The following SLC49A4 variants were observed in gnomAD, a reference collection of about 807,000 sequenced individuals.
The protein encoded by SLC49A4 is solute carrier family 49 member 4, also known as disrupted in renal cancer protein 2.
In SLC49A4, 36 loss-of-function variants were observed where a neutral mutation model predicts 50.6. That is an observed-to-expected ratio of 0.71 (90% CI 0.55 to 0.94). The LOEUF is 0.94. Ranked by LOEUF, SLC49A4 falls within the 40% of genes least tolerant of loss-of-function variation. The pLI is 0.00. For synonymous variants in SLC49A4, 248 were observed against 241.2 expected (o/e 1.03, Z -0.26); for missense variants, 503 against 605.7 (o/e 0.83, Z 1.78).
At chr3:122,800,675 TTAGA>T (rs1936117116) in intron 1 of SLC49A4, among the ~76,000 whole-genome samples, 3 of 152,270 alleles carry the variant, frequency 2.0e-5, no homozygotes, top group African/African-American at 4.8e-5. Context: ...CAAGTTGGCC[TTAGA>T]TAGAAGCATT....
At chr3:122,820,182 T>C (rs1022440747) in intron 2 of SLC49A4, among the ~76,000 whole-genome samples, 1 of 152,202 alleles carries the variant, frequency 6.6e-6, no homozygotes, top group African/African-American at 2.4e-5. Flanking sequence ...ATCAGTAATT[T>C]TTTTTATTAT....
At chr3:122,860,235 A>G (rs1320784135) in intron 7 of SLC49A4, 33 bp downstream of exon 7, 5 of 1,547,448 alleles carry the variant, frequency 3.2e-6, no homozygotes, top group Non-Finnish European at 4.4e-6. Flanking sequence ...CTTTTAATAA[A>G]TATTTTCATT....
At position 122,822,494 on chromosome 3, in the gene SLC49A4, T is replaced by C. The variant is rs182407297; in HGVS notation, c.438-4306T>C. On this transcript the variant is annotated intron_variant, in intron 2 of 8. Transcript: ENST00000261038. ...ATCTAGATTTCGATTTCCTCATGAG[T>C]CTGACTTCCATGCTGAACACTCCAC... 2.6e-4 allele frequency among the ~76,000 whole-genome samples: 39 copies of C among 152,320 alleles called. No individual in the cohort carries two copies. In the East Asian group the frequency reaches 4.0e-3, roughly 16 times the overall value.
intron 7 of SLC49A4, 141 bp from the exon 8 acceptor site, chr3:122,872,274 T>A: frequency 1.4e-6 from 1 of 702,290 alleles, no homozygotes. Context: ...AGATGTGTGA[T>A]GCTTTGTCAA....
intron 4 of SLC49A4, 65 bp downstream of exon 4, chr3:122,833,511 A>G (rs1936636248): frequency 4.1e-6 from 6 of 1,454,288 alleles, no homozygotes; most frequent in Middle Eastern, 1.8e-4. Flanking sequence ...CAGATTTTTA[A>G]AAAATAATTT....
At chr3:122,873,135 G>A (rs1174881164) in intron 8 of SLC49A4, among the ~76,000 whole-genome samples, 1 of 152,006 alleles carries the variant, frequency 6.6e-6, no homozygotes, top group African/African-American at 2.4e-5. Flanking sequence ...GGTTATAACT[G>A]AAATAATAAC....
intron 8 of SLC49A4, among the ~76,000 whole-genome samples, chr3:122,873,619 T>C (rs2107584761): frequency 6.6e-6 from 1 of 152,336 alleles, no homozygotes. Context: ...TTAGATTGTT[T>C]CTGTCAATCA....
intron 2 of SLC49A4, among the ~76,000 whole-genome samples, chr3:122,813,904 G>A (rs973741413): frequency 1.3e-5 from 2 of 152,164 alleles, no homozygotes; most frequent in African/African-American, 4.8e-5. Flanking sequence ...TATTCCTGAT[G>A]GATTGGAGAG....
At position 122,880,150 on chromosome 3, in the gene SLC49A4, T is replaced by C. The variant is rs1285097076; in HGVS notation, c.*772T>C. ...GTAATTCCATTAGGATCTAGCACTT[T>C]GTTACAAGTGAAATGACAAGTCACA... On this transcript the variant is annotated 3_prime_UTR_variant, in exon 9 of 9. Coordinates refer to ENST00000261038, the MANE Select transcript of SLC49A4 (RefSeq NM_032839.3). 1 of 152,240 alleles carries C rather than the reference T, an allele frequency of 6.6e-6. No individual in the cohort carries two copies. The highest frequency in any genetic ancestry group is 2.4e-5 in the African/African-American group (1 of 41,468). The allele number at this position is 152,240 out of a possible 1,614,324, so 9.4% of individuals were successfully genotyped here.
chr3:122,851,710 G>A (rs997356714), intron 5 of SLC49A4, among the ~76,000 whole-genome samples: 1 of 151,992 alleles, frequency 6.6e-6, no homozygotes, highest in African/African-American at 2.4e-5. Flanking sequence ...TTTCTAGTCA[G>A]TGTCTCTTCA....
intron 2 of SLC49A4, among the ~76,000 whole-genome samples, chr3:122,824,222 T>A (rs545193116): frequency 6.6e-6 from 1 of 152,370 alleles, no homozygotes; most frequent in African/African-American, 2.4e-5. Flanking sequence ...AGATGGTTTT[T>A]AACTCTAACT....
intron 4 of SLC49A4, among the ~76,000 whole-genome samples, chr3:122,845,393 T>C (rs552039906): frequency 1.2e-3 from 185 of 152,332 alleles, no homozygotes; most frequent in African/African-American, 4.2e-3. Context: ...TGATTCCACA[T>C]CTTTGCTATT....
chr3:122,821,118 C>T (rs193262171), intron 2 of SLC49A4, among the ~76,000 whole-genome samples: 1 of 152,318 alleles, frequency 6.6e-6, no homozygotes, highest in Non-Finnish European at 1.5e-5. Flanking sequence ...GTAAGGCATG[C>T]CTTTACTCCT....
chr3:122,827,422 A>C (rs894212498), intron 3 of SLC49A4, among the ~76,000 whole-genome samples: 4 of 152,172 alleles, frequency 2.6e-5, no homozygotes, highest in Non-Finnish European at 5.9e-5. Flanking sequence ...TTAAACATCT[A>C]TCTGTTGGTA....
chr3:122,835,432 A>G (rs2107569089), intron 4 of SLC49A4, among the ~76,000 whole-genome samples: 1 of 152,372 alleles, frequency 6.6e-6, no homozygotes, highest in Middle Eastern at 3.4e-3. Flanking sequence ...CACCATGATC[A>G]AGTGGGTTTC....
chr3:122,869,217 C>T (rs1234102842), intron 7 of SLC49A4, among the ~76,000 whole-genome samples: 1 of 141,572 alleles, frequency 7.1e-6, no homozygotes, highest in Non-Finnish European at 1.5e-5. Flanking sequence ...TCTCTACTCT[C>T]CTGTGACCCC....
At chr3:122,811,683 C>A (rs921800047) in intron 2 of SLC49A4, among the ~76,000 whole-genome samples, 1 of 152,100 alleles carries the variant, frequency 6.6e-6, no homozygotes, top group Non-Finnish European at 1.5e-5. Context: ...CAGCAGAGAA[C>A]TGATTAGGAT....
intron 7 of SLC49A4, among the ~76,000 whole-genome samples, chr3:122,864,791 A>T (rs1292831552): frequency 6.6e-6 from 1 of 152,214 alleles, no homozygotes; most frequent in Non-Finnish European, 1.5e-5. Context: ...AGGCAATAGG[A>T]TCACTTGAGG....
At chr3:122,840,609 T>C (rs1002778025) in intron 4 of SLC49A4, among the ~76,000 whole-genome samples, 2 of 152,142 alleles carry the variant, frequency 1.3e-5, no homozygotes, top group Non-Finnish European at 1.5e-5. Flanking sequence ...TTAAAACTTA[T>C]TAATGAGATA....
Sources: gnomAD v4.1 joint callset for allele counts (sites outside exome capture counted in the v4.1 genomes callset) on GRCh38, gnomAD v4.1.1 for gene constraint, MANE v1.5 for transcripts, NCBI Gene and HGNC (gene_info 2026-07-23, HGNC 2026-07-21) for gene names.